AVIL: variants seen among roughly 807,000 people sequenced by gnomAD.
AVIL encodes the protein advillin.
AVIL carries 78 observed loss-of-function variants against 109.9 expected under a neutral mutation model. That is an observed-to-expected ratio of 0.71 (90% CI 0.59 to 0.86). The LOEUF is 0.86. Ranked by LOEUF, AVIL falls within the 40% of genes least tolerant of loss-of-function variation. The pLI, the probability that AVIL is intolerant of heterozygous loss-of-function variation, is 0.00. For synonymous variants in AVIL, 367 were observed against 379.1 expected (o/e 0.97, Z 0.37); for missense variants, 892 against 1,016.5 (o/e 0.88, Z 1.67).
intron 18 of AVIL, 29 bp from the exon 19 acceptor site, chr12:57,799,949 GAA>G: frequency 6.2e-7 from 1 of 1,613,118 alleles, no homozygotes; most frequent in South Asian, 1.1e-5. Context: ...TAGGCACAGG[GAA>G]AAGACTCCTC....
At position 57,813,267 on chromosome 12, in the gene AVIL, C is replaced by T. The variant is rs942138631; in HGVS notation, c.298G>A (p.Glu100Lys). The T allele has an allele frequency of 2.5e-6, 4 of 1,613,786 alleles. No homozygotes were observed. Among genetic ancestry groups the T allele is most frequent in the African/African-American group, 1.3e-5 (1 of 74,894 alleles). Residue 100 changes from glutamate (E) to lysine (K), a missense_variant, in exon 4 of 20, where the codon GAG becomes AAG. Glu to Lys is a moderately conservative substitution (Grantham distance 56). Transcript: ENST00000549994. Reference protein sequence around the residue: ...PVQHREVQYHESDTFRGYFKQ... With the variant: ...PVQHREVQYHKSDTFRGYFKQ... ...AAGTAGCCACGGAAAGTGTCTGACT[C>T]ATGGTACTGGACCTCTCGGTGCTGC... is the stretch of plus-strand genomic sequence containing the variant.
At position 57,808,264 on chromosome 12, in the gene AVIL, G is replaced by A. The variant is rs1472158183; in HGVS notation, c.1124C>T (p.Thr375Ile). The A allele has an allele frequency of 1.2e-6, 2 of 1,614,110 alleles. No homozygotes were observed. Among genetic ancestry groups the A allele is most frequent in the African/African-American group, 2.7e-5 (2 of 74,934 alleles). ...AKVFQDKFDV[T>I]LLHTKPEVAA... ...TACCTCTGGCTTGGTGTGTAGCAGA[G>A]TCACATCAAATTTATCCTGGAAAAC... The change falls in exon 11 of 20, where the codon ACT becomes ATT. Residue 375 changes from threonine (T) to isoleucine (I), a missense_variant. By Grantham distance (89) the Thr-to-Ile change is moderately conservative. Transcript: ENST00000549994.
chr12:57,818,141 C>T (rs1384329958), intron 1 of AVIL, among the ~76,000 whole-genome samples: 1 of 147,984 alleles, frequency 6.8e-6, no homozygotes. Flanking sequence ...GCCTCAGCCT[C>T]CTGAGAAGCT....
rs1239057611 is a variant in AVIL at position 57,808,392 on chromosome 12, C to T, written c.1093+3G>A. On this transcript the variant is annotated splice_donor_region_variant and intron_variant, in intron 10 of 19. Transcript: ENST00000549994. ...TGAGAGGATGATCTGGGGGCAGTCTCACCAATTTTACCAATGCTGAACGTT... is the reference window on the plus strand; with the variant it reads ...TGAGAGGATGATCTGGGGGCAGTCTTACCAATTTTACCAATGCTGAACGTT... 3.7e-6 allele frequency: 6 copies of T among 1,614,062 alleles called. 1 individual carries two copies. Among genetic ancestry groups the T allele is most frequent in the Middle Eastern group, 3.3e-4 (2 of 6,084 alleles).
intron 1 of AVIL, among the ~76,000 whole-genome samples, chr12:57,817,891 A>G (rs1956116668): frequency 6.6e-6 from 1 of 152,210 alleles, no homozygotes; most frequent in South Asian, 2.1e-4. Context: ...CTAATTCAGT[A>G]TCCTTTGAGA....
intron 14 of AVIL, 106 bp downstream of exon 14, chr12:57,806,254 C>T (rs765966757): frequency 7.9e-7 from 1 of 1,264,562 alleles, no homozygotes; most frequent in Non-Finnish European, 1.1e-6. Context: ...GCTGCCAAAG[C>T]AAGCACTCCA....
chr12:57,809,017 T>A (rs1381114875), intron 9 of AVIL: 1 of 168,842 alleles, frequency 5.9e-6, no homozygotes. Flanking sequence ...GCTTTTTTTT[T>A]TTTTAGACAG....
Position 57,803,569 on chromosome 12 carries a change from A to T in AVIL, c.1772T>A (p.Phe591Tyr). Residue 591 changes from phenylalanine (F) to tyrosine (Y), a missense_variant, in exon 15 of 20, where the codon TTC (phenylalanine) becomes TAC (tyrosine). By Grantham distance (22) the Phe-to-Tyr change is conservative (BLOSUM62 3). Transcript: ENST00000549994. ...AGTTTTCCCTCCCAGTAGGTCCCAG[A>T]ACTCGGCTGGCTCCTGGCCCTCGGC... ...TVAEGQEPAE[F>Y]WDLLGGKTPY... The T allele has an allele frequency of 1.2e-6, 2 of 1,614,170 alleles. No individual in the cohort carries two copies. Among genetic ancestry groups the T allele is most frequent in the South Asian group, 1.1e-5 (1 of 91,084 alleles).
chr12:57,814,617 G>A (rs181302152), intron 2 of AVIL: 34 of 192,732 alleles, frequency 1.8e-4, no homozygotes, highest in Admixed American at 1.4e-3. Context: ...TCTTCCCAAC[G>A]CTGACCACTG....
intron 19 of AVIL, among the ~76,000 whole-genome samples, chr12:57,798,331 G>A (rs1464561421): frequency 6.6e-6 from 1 of 152,150 alleles, no homozygotes; most frequent in Non-Finnish European, 1.5e-5. Flanking sequence ...ACTAAATTGA[G>A]CTATGGTTTT....
At chr12:57,813,552 G>T in intron 3 of AVIL, 129 bp from the exon 4 acceptor site, 1 of 907,066 alleles carries the variant, frequency 1.1e-6, no homozygotes, top group Non-Finnish European at 1.6e-6. Context: ...TCCTGCAGTG[G>T]ATGTGGGAGC....
At chr12:57,808,002 G>T in intron 11 of AVIL, 192 bp downstream of exon 11, 1 of 794,700 alleles carries the variant, frequency 1.3e-6, no homozygotes, top group Non-Finnish European at 2.1e-6. Flanking sequence ...GATATTGATA[G>T]CACATTTGAG....
chr12:57,803,124 T>G, intron 16 of AVIL, 123 bp downstream of exon 16: 2 of 1,271,824 alleles, frequency 1.6e-6, no homozygotes, highest in Non-Finnish European at 2.2e-6. Context: ...CTGACAAAGG[T>G]TTGATTGAGC....
chr12:57,809,513 A>G, intron 9 of AVIL, 84 bp downstream of exon 9: 3 of 1,477,136 alleles, frequency 2.0e-6, no homozygotes, highest in South Asian at 1.1e-5. Flanking sequence ...ATGCTCAAAT[A>G]CCTAGCATGG....
intron 7 of AVIL, 115 bp from the exon 8 acceptor site, chr12:57,810,005 C>T (rs999470607): frequency 9.4e-7 from 1 of 1,058,544 alleles, no homozygotes; most frequent in African/African-American, 1.6e-5. Flanking sequence ...GTGTGACTGC[C>T]TAAGACAGCC....
Position 57,810,437 on chromosome 12 carries a change from C to G in AVIL, c.673G>C (p.Asp225His). 1.9e-6 allele frequency: 3 copies of G among 1,614,184 alleles called. No individual in the cohort carries two copies. The highest frequency in any genetic ancestry group is 2.5e-6 in the Non-Finnish European group (3 of 1,180,040). The change falls in exon 7 of 20, where the codon GAC (aspartate) becomes CAC (histidine). Residue 225 changes from aspartate to histidine, a missense_variant. Coordinates refer to ENST00000549994, the MANE Select transcript of AVIL (RefSeq NM_006576.4). The part of the protein sequence containing the change: ...ASPELMKVLQ[D>H]TLGRRSIIKP... ...ATAATGGAGCGTCGGCCAAGGGTGTCCTGAAGGACCTTCATCAGCTCTGGG... is the reference window on the plus strand; with the variant it reads ...ATAATGGAGCGTCGGCCAAGGGTGTGCTGAAGGACCTTCATCAGCTCTGGG...
At chr12:57,802,793 T>C in intron 16 of AVIL, 1 of 575,654 alleles carries the variant, frequency 1.7e-6, no homozygotes, top group South Asian at 2.4e-5. Context: ...TCACCAGGGC[T>C]GACCAACTTT....
chr12:57,816,465 A>T (rs554728482), intron 1 of AVIL: 1 of 166,404 alleles, frequency 6.0e-6, no homozygotes, highest in East Asian at 1.8e-4. Context: ...GTACAAGATC[A>T]CACTCTAGAA....
chr12:57,800,962 A>G (rs1955835173), intron 18 of AVIL, among the ~76,000 whole-genome samples, 182 bp downstream of exon 18: 1 of 152,194 alleles, frequency 6.6e-6, no homozygotes, highest in East Asian at 1.9e-4. Context: ...AAGTCAGGAA[A>G]ATAAGGAACT....
Sources: allele counts gnomAD v4.1 joint callset (sites outside exome capture counted in the v4.1 genomes callset), GRCh38; gene constraint gnomAD v4.1.1; transcripts MANE v1.5; gene names NCBI Gene and HGNC (gene_info 2026-07-23, HGNC 2026-07-21).